The following NRAP variants were observed in gnomAD, a reference collection of about 807,000 sequenced individuals.
NRAP encodes nebulin related anchoring protein.
NRAP carries 189 observed loss-of-function variants against 225.9 expected under a neutral mutation model. The ratio of observed to expected loss-of-function variants is 0.84; its 90% CI spans 0.74 to 0.94. The LOEUF (loss-of-function observed/expected upper bound fraction) is 0.94. Ranked by LOEUF, NRAP falls within the 40% of genes least tolerant of loss-of-function variation. The pLI is 0.00. For missense variants in NRAP, 2,176 were observed against 2,168.7 expected (o/e 1.00, Z -0.07); for synonymous variants, 769 against 790.7 (o/e 0.97, Z 0.46).
rs150509332 is a variant in NRAP at position 113,655,779 on chromosome 10, T to C, written c.361-1654A>G. Reference sequence around the variant, plus strand: ...ATATCCATACTTAATGGTGCACCTATGATACACCCATTCACGATAGCTTAA... The same window carrying C: ...ATATCCATACTTAATGGTGCACCTACGATACACCCATTCACGATAGCTTAA... On this transcript the variant is annotated intron_variant, in intron 4 of 41. Coordinates refer to ENST00000359988, the MANE Select transcript of NRAP (RefSeq NM_198060.4). Among the ~76,000 whole-genome samples, 862 of 152,284 alleles carry C rather than the reference T, an allele frequency of 5.7e-3. 7 individuals are homozygous for C. The highest frequency in any genetic ancestry group is 0.019 in the African/African-American group (799 of 41,548).
At chr10:113,607,092 T>C (rs375321678) in intron 32 of NRAP, among the ~76,000 whole-genome samples, 15 of 152,008 alleles carry the variant, frequency 9.9e-5, no homozygotes, top group African/African-American at 3.1e-4. Flanking sequence ...TCCCAGCTAC[T>C]TGGGAGTCCG....
At chr10:113,603,101 A>T (rs1310348734) in intron 35 of NRAP, among the ~76,000 whole-genome samples, 1 of 152,204 alleles carries the variant, frequency 6.6e-6, no homozygotes, top group Non-Finnish European at 1.5e-5. Context: ...CTTCCTAGGG[A>T]TGCTGTGGGC....
Position 113,632,930 on chromosome 10 carries a change from A to C in NRAP, c.1632+154T>G, listed in dbSNP as rs2270183. ...TATCACTAGTAAACTACAACGTGCC[A>C]TGACATAGCAAAATTCAAAGTTACA... On this transcript the variant is annotated intron_variant, in intron 16 of 41. Transcript: ENST00000359988. Among the ~76,000 whole-genome samples the C allele has an allele frequency of 0.27, 40,680 of 152,162 alleles. 6,057 individuals are homozygous for C. Among genetic ancestry groups the C allele is most frequent in the East Asian group, 0.44 (2,263 of 5,166 alleles).
intron 14 of NRAP, among the ~76,000 whole-genome samples, chr10:113,637,353 G>A (rs1395964557): frequency 6.6e-6 from 1 of 152,192 alleles, no homozygotes; most frequent in Admixed American, 6.5e-5. Flanking sequence ...AAGTATCAGA[G>A]CTATGATTCA....
chr10:113,663,318 T>C, intron 2 of NRAP, 34 bp downstream of exon 2: 3 of 1,249,026 alleles, frequency 2.4e-6, no homozygotes, highest in Non-Finnish European at 3.5e-6. Context: ...CAAATAAAAC[T>C]CAAGAGGTAG....
chr10:113,654,121 G>A lies in NRAP; in HGVS notation c.365C>T (p.Ala122Val), dbSNP rs1310635171. 3 of 1,603,160 alleles carry A rather than the reference G, an allele frequency of 1.9e-6. No homozygotes were observed. The highest frequency in any genetic ancestry group is 2.6e-6 in the Non-Finnish European group (3 of 1,170,342). Reference sequence around the variant, plus strand: ...CCCTTCCCCATATCCAGTCCAATAGGCTCTCTACAAAGGAAGCACATGAAG... The same window carrying A: ...CCCTTCCCCATATCCAGTCCAATAGACTCTCTACAAAGGAAGCACATGAAG... The part of the protein sequence containing the change: ...PNRQPLANER[A>V]YWTGYGEGNA... Residue 122 changes from alanine to valine, a missense_variant, in exon 5 of 42, where the codon GCC becomes GTC. Physicochemically the swap from Ala to Val is moderately conservative, Grantham distance 64. This residue lies in a region of NRAP where 1,708 missense variants were observed against 1,695.5 expected (regional missense o/e 1.01). Transcript: ENST00000359988.
chr10:113,661,674 C>T (rs1850687607), intron 3 of NRAP, among the ~76,000 whole-genome samples: 1 of 152,142 alleles, frequency 6.6e-6, no homozygotes, highest in African/African-American at 2.4e-5. Flanking sequence ...TTTGACAAAA[C>T]TCCACTATTA....
At position 113,606,297 on chromosome 10, in the gene NRAP, TATA is replaced by T. The variant is rs748657253; in HGVS notation, c.3703-18_3703-16del. ...TTATAGAGGCGCTAGGCCAAAAAAA[TATA>T]ATAATAATAATGCAAGAGATAAGTG... On this transcript the variant is annotated splice_polypyrimidine_tract_variant and intron_variant, in intron 32 of 41. Transcript: ENST00000359988. The T allele has an allele frequency of 4.0e-5, 58 of 1,457,920 alleles. No homozygotes were observed. Among genetic ancestry groups the T allele is most frequent in the Non-Finnish European group, 5.2e-5 (54 of 1,038,170 alleles). 90.3% of individuals were successfully genotyped at this position (1,457,920 alleles called of 1,614,324 possible). A position where few individuals can be genotyped will look rare whatever the true frequency, so the allele number is the denominator to read the frequency against.
intron 27 of NRAP, among the ~76,000 whole-genome samples, 165 bp from the exon 28 acceptor site, chr10:113,615,111 C>T (rs1411287136): frequency 6.6e-6 from 1 of 151,734 alleles, no homozygotes; most frequent in Non-Finnish European, 1.5e-5. Context: ...GAGTTGGATC[C>T]TGCCTCGTGC....
chr10:113,622,887 A>G (rs997902454), intron 23 of NRAP, among the ~76,000 whole-genome samples: 4 of 152,224 alleles, frequency 2.6e-5, no homozygotes, highest in Non-Finnish European at 5.9e-5. Context: ...CACATCACCA[A>G]GCCAGTTGTT....
chr10:113,654,179 C>T, intron 4 of NRAP, 54 bp from the exon 5 acceptor site: 2 of 953,378 alleles, frequency 2.1e-6, no homozygotes, highest in Non-Finnish European at 3.4e-6. Context: ...CTCCCAGCAA[C>T]ACTTACATAC....
Position 113,663,550 on chromosome 10 carries a change from G to T in NRAP, c.73-104C>A, listed in dbSNP as rs1332261493. 30 of 754,880 alleles carry T rather than the reference G, an allele frequency of 4.0e-5. No individual in the cohort carries two copies. In the Admixed American group the frequency reaches 7.3e-4, roughly 18 times the overall value. 46.8% of individuals were successfully genotyped at this position (754,880 alleles called of 1,614,324 possible). ...AAATGAACTTCGAGGATAAAATGCTGATTTTAAAAAAATTAAAATCCACAC... is the reference window on the plus strand; with the variant it reads ...AAATGAACTTCGAGGATAAAATGCTTATTTTAAAAAAATTAAAATCCACAC... On this transcript the variant is annotated intron_variant, in intron 1 of 41. Coordinates refer to ENST00000359988, the MANE Select transcript of NRAP (RefSeq NM_198060.4).
At chr10:113,649,208 A>C (rs2134150512) in intron 9 of NRAP, among the ~76,000 whole-genome samples, 1 of 152,356 alleles carries the variant, frequency 6.6e-6, no homozygotes, top group South Asian at 2.1e-4. Context: ...TCATATGAGC[A>C]TATGCCTAAC....
chr10:113,605,798 G>T lies in NRAP; in HGVS notation c.3879C>A (p.Phe1293Leu), dbSNP rs756718731. ...TATCTCCAGAGGCCCGGGCAGCCTG[G>T]AAGGGGAGCGCTTCTATTGTCAGCT... The part of the protein sequence containing the change: ...GYKLTIEALP[F>L]QAARASGDIA... Residue 1293 changes from phenylalanine to leucine, a missense_variant, in exon 34 of 42, where the codon TTC becomes TTA. By Grantham distance (22) the Phe-to-Leu change is conservative. Coordinates refer to ENST00000359988, the MANE Select transcript of NRAP (RefSeq NM_198060.4). 6.2e-7 allele frequency: 1 copy of T among 1,613,996 alleles called. No homozygotes were observed. Among genetic ancestry groups the T allele is most frequent in the Admixed American group, 1.7e-5 (1 of 60,024 alleles).
chr10:113,612,427 T>C lies in NRAP; in HGVS notation c.3305A>G (p.Asn1102Ser). ...VYATSLQSDV[N>S]YKKGFEHSKA... ...TGAGTGTTCAAAGCCTTTCTTGTAATTCACCTAGAGGGGCAGACAGAGCAA... is the reference window on the plus strand; with the variant it reads ...TGAGTGTTCAAAGCCTTTCTTGTAACTCACCTAGAGGGGCAGACAGAGCAA... Residue 1102 changes from asparagine to serine, a missense_variant, in exon 30 of 42, where the codon AAT (asparagine) becomes AGT (serine). By Grantham distance (46) the Asn-to-Ser change is conservative. Transcript: ENST00000359988. 2 of 1,613,872 alleles carry C rather than the reference T, an allele frequency of 1.2e-6. No individual in the cohort carries two copies. Among genetic ancestry groups the C allele is most frequent in the Non-Finnish European group, 1.7e-6 (2 of 1,179,866 alleles).
At position 113,629,672 on chromosome 10, in the gene NRAP, G is replaced by A. The variant is rs1189883941; in HGVS notation, c.1956C>T (p.Tyr652=). ...KAQTLASDLD[Y]RKKLHEYTVL... is the part of the protein sequence containing the mutation. The stretch of plus-strand genomic sequence containing the variant: ...CAGTGTATTCATGCAGTTTCTTCCT[G>A]TAGTCCAGGTCACTGGCGAGAGTTT... Residue 652 remains tyrosine, a synonymous_variant, in exon 19 of 42, where the codon TAC becomes TAT. Coordinates refer to ENST00000359988, the MANE Select transcript of NRAP (RefSeq NM_198060.4). 1 of 1,613,930 alleles carries A rather than the reference G, an allele frequency of 6.2e-7. No individual in the cohort carries two copies. Among genetic ancestry groups the A allele is most frequent in the Non-Finnish European group, 8.5e-7 (1 of 1,179,814 alleles).
At chr10:113,637,871 G>A (rs555335119) in intron 14 of NRAP, among the ~76,000 whole-genome samples, 15 of 151,424 alleles carry the variant, frequency 9.9e-5, no homozygotes, top group African/African-American at 2.2e-4. Flanking sequence ...GCTATGAGCC[G>A]AGATCGCACC....
At chr10:113,634,811 T>C (rs956104538) in intron 14 of NRAP, among the ~76,000 whole-genome samples, 3 of 152,140 alleles carry the variant, frequency 2.0e-5, no homozygotes, top group Admixed American at 6.5e-5. Context: ...AAAAGAGGTG[T>C]TAAAAAAAGT....
At position 113,590,831 on chromosome 10, in the gene NRAP, A is replaced by G. The variant is rs915621329; in HGVS notation, c.4703T>C (p.Val1568Ala). Reference protein sequence around the residue: ...DRGLQIGYRSVDDDPRMKHFL... With the variant: ...DRGLQIGYRSADDDPRMKHFL... ...ATGCTTCATCCTTGGGTCATCGTCG[A>G]CACTGCGGTACCCGATCTGCAGGCC... The change falls in exon 40 of 42, where the codon GTC becomes GCC. Residue 1568 changes from valine to alanine, a missense_variant. Physicochemically the swap from Val to Ala is moderately conservative, Grantham distance 64. Transcript: ENST00000359988. 1 of 1,614,042 alleles carries G rather than the reference A, an allele frequency of 6.2e-7. No homozygotes were observed. The highest frequency in any genetic ancestry group is 8.5e-7 in the Non-Finnish European group (1 of 1,180,040).
Sources: gnomAD v4.1 joint callset for allele counts (sites outside exome capture counted in the v4.1 genomes callset) on GRCh38, gnomAD v4.1.1 for gene constraint, gnomAD v4.1.1 regional missense constraint, MANE v1.5 for transcripts, NCBI Gene and HGNC (gene_info 2026-07-23, HGNC 2026-07-21) for gene names.